ZCCHC9: variants seen among roughly 807,000 people sequenced by gnomAD.
The protein encoded by ZCCHC9 is zinc finger CCHC-type containing 9.
ZCCHC9 carries 18 observed loss-of-function variants against 30.8 expected under a neutral mutation model. That is an observed-to-expected ratio of 0.58 (90% CI 0.40 to 0.87). The LOEUF (loss-of-function observed/expected upper bound fraction) is 0.87, where lower values mean the gene tolerates loss of function less well. ZCCHC9 is among the 40% of genes least tolerant of loss of function. The probability of loss-of-function intolerance (pLI) is 0.00; values close to 1 mark genes in which losing one functional copy is unlikely to be tolerated. For missense variants in ZCCHC9, 279 were observed against 331.2 expected (o/e 0.84, Z 1.22); for synonymous variants, 94 against 106.7 (o/e 0.88, Z 0.73).
At chr5:81,307,946 G>A (rs1346801079) in intron 2 of ZCCHC9, among the ~76,000 whole-genome samples, 1 of 124,996 alleles carries the variant, frequency 8.0e-6, no homozygotes, top group South Asian at 2.8e-4. Context: ...AGTGAGCTGA[G>A]ATTGGGCCAC....
rs141994493 is a variant in ZCCHC9 at position 81,312,725 on chromosome 5, C to T, written c.*63C>T. ...TACTTTCTAAACCAGGCCCGCTTCA[C>T]GAGTTAGAGTTGAGCTCCCCTGTAG... On this transcript the variant is annotated 3_prime_UTR_variant, in exon 6 of 6. Transcript: ENST00000407610. 5.5e-6 allele frequency: 7 copies of T among 1,273,596 alleles called. No homozygotes were observed. Among genetic ancestry groups the T allele is most frequent in the South Asian group, 2.5e-5 (2 of 78,876 alleles). 78.9% of individuals were successfully genotyped at this position (1,273,596 alleles called of 1,614,324 possible).
Position 81,304,994 on chromosome 5 carries a change from AAGAC to A in ZCCHC9, c.241_244del (p.Gln81IlefsTer11). On this transcript the variant is annotated frameshift_variant, in exon 2 of 6. Transcript: ENST00000407610. LOFTEE classifies it high-confidence loss of function. ...ATGTGAATGGATTCATGGAATACCT[AAGAC>A]AGAATTCACAGATGGTTCACAATGG... 6.2e-7 allele frequency: 1 copy of A among 1,614,224 alleles called. No homozygotes were observed. Among genetic ancestry groups the A allele is most frequent in the Non-Finnish European group, 8.5e-7 (1 of 1,180,038 alleles).
chr5:81,310,127 CT>C (rs973172368), intron 4 of ZCCHC9, among the ~76,000 whole-genome samples: 3 of 133,890 alleles, frequency 2.2e-5, no homozygotes, highest in Non-Finnish European at 4.6e-5. Context: ...GCAAAAATGG[CT>C]TTCACTGGTC....
intron 5 of ZCCHC9, 123 bp from the exon 6 acceptor site, chr5:81,312,421 G>A: frequency 1.4e-6 from 1 of 703,604 alleles, no homozygotes; most frequent in South Asian, 1.9e-5. Flanking sequence ...CTTTAGTGAT[G>A]GAGTCTTCCC....
chr5:81,303,774 C>G (rs970019373), intron 1 of ZCCHC9: 2 of 152,212 alleles, frequency 1.3e-5, no homozygotes, highest in African/African-American at 4.8e-5. Flanking sequence ...AATTTTTCAG[C>G]TCCATTATAA....
chr5:81,305,247 A>G (rs1225221127), intron 2 of ZCCHC9, 106 bp downstream of exon 2: 1 of 1,416,932 alleles, frequency 7.1e-7, no homozygotes, highest in Non-Finnish European at 9.4e-7. Context: ...ATTATGTCCC[A>G]GATTTATAGA....
At chr5:81,309,647 G>A (rs1206876549) in intron 4 of ZCCHC9, among the ~76,000 whole-genome samples, 1 of 152,186 alleles carries the variant, frequency 6.6e-6, no homozygotes, top group Non-Finnish European at 1.5e-5. Context: ...TTCCCTCCTG[G>A]AGAAGTCCAG....
chr5:81,311,910 G>A (rs1157546741), intron 5 of ZCCHC9, among the ~76,000 whole-genome samples: 1 of 152,000 alleles, frequency 6.6e-6, no homozygotes, highest in East Asian at 1.9e-4. Context: ...AAGACAGTAG[G>A]ATAGCCCAGC....
rs769027023 is a variant in ZCCHC9 at position 81,308,556 on chromosome 5, C to T, written c.385-5C>T. On this transcript the variant is annotated splice_region_variant and splice_polypyrimidine_tract_variant and intron_variant, in intron 2 of 5. Coordinates refer to ENST00000407610, the MANE Select transcript of ZCCHC9 (RefSeq NM_001131035.2). ...AGCGTGCCAACCTACGTTTTGTTTTCCTAGGTGTGTTTCCATTGTAGAAAA... is the reference window on the plus strand; with the variant it reads ...AGCGTGCCAACCTACGTTTTGTTTTTCTAGGTGTGTTTCCATTGTAGAAAA... 1 of 1,608,212 alleles carries T rather than the reference C, an allele frequency of 6.2e-7. No homozygotes were observed. The highest frequency in any genetic ancestry group is 1.3e-5 in the African/African-American group (1 of 74,812).
At chr5:81,309,186 G>C (rs1182323698) in intron 4 of ZCCHC9, 148 bp downstream of exon 4, 1 of 548,022 alleles carries the variant, frequency 1.8e-6, no homozygotes, top group African/African-American at 1.9e-5. Context: ...GCTATCATAT[G>C]TACTAGGCTT....
At chr5:81,310,770 A>G (rs922939052) in intron 4 of ZCCHC9, among the ~76,000 whole-genome samples, 2 of 152,214 alleles carry the variant, frequency 1.3e-5, no homozygotes, top group Admixed American at 1.3e-4. Context: ...TGATCTGTAC[A>G]GTAGAACAGT....
At position 81,304,774 on chromosome 5, in the gene ZCCHC9, G is replaced by A. The variant is rs767993551; in HGVS notation, c.17G>A (p.Arg6Gln). The change falls in exon 2 of 6, where the codon CGA becomes CAA. Residue 6 changes from arginine (R) to glutamine (Q), a missense_variant. Physicochemically the swap from Arg to Gln is conservative, Grantham distance 43. Coordinates refer to ENST00000407610, the MANE Select transcript of ZCCHC9 (RefSeq NM_001131035.2). ...GATGAAATTATGACCAGGTGGGCCC[G>A]AGTTAGTACCACATATAACAAGAGA... The part of the protein sequence containing the change: MTRWA[R>Q]VSTTYNKRPL... The A allele has an allele frequency of 3.1e-5, 50 of 1,590,256 alleles. No individual in the cohort carries two copies. Among genetic ancestry groups the A allele is most frequent in the East Asian group, 9.0e-5 (4 of 44,650 alleles).
At chr5:81,307,854 A>G (rs965122486) in intron 2 of ZCCHC9, among the ~76,000 whole-genome samples, 9 of 148,260 alleles carry the variant, frequency 6.1e-5, no homozygotes, top group African/African-American at 2.0e-4. Flanking sequence ...AAAATTAGCC[A>G]GGTGGTGGTA....
chr5:81,311,077 C>T, intron 4 of ZCCHC9, 134 bp from the exon 5 acceptor site: 1 of 828,412 alleles, frequency 1.2e-6, no homozygotes, highest in South Asian at 1.5e-5. Flanking sequence ...AGTGGCACCT[C>T]CCTATGATCC....
Position 81,312,667 on chromosome 5 carries a change from A to T in ZCCHC9, c.*5A>T. ...CCTAAAGTTGTTAATTTTTGATAAC[A>T]GCTAGCACTATCATGAGTTACTACC... On this transcript the variant is annotated 3_prime_UTR_variant, in exon 6 of 6. Transcript: ENST00000407610. 6.3e-7 allele frequency: 1 copy of T among 1,594,604 alleles called. No individual in the cohort carries two copies.
chr5:81,311,167 T>C, intron 4 of ZCCHC9, 44 bp from the exon 5 acceptor site: 1 of 1,608,578 alleles, frequency 6.2e-7, no homozygotes, highest in Non-Finnish European at 8.5e-7. Flanking sequence ...TAAAAACCCC[T>C]TGCAAGTATG....
At chr5:81,310,506 G>A (rs1314199294) in intron 4 of ZCCHC9, among the ~76,000 whole-genome samples, 1 of 152,034 alleles carries the variant, frequency 6.6e-6, no homozygotes, top group African/African-American at 2.4e-5. Context: ...AGCCAGATTT[G>A]TATCTGATTA....
At chr5:81,308,363 C>A in intron 2 of ZCCHC9, 198 bp from the exon 3 acceptor site, 1 of 569,530 alleles carries the variant, frequency 1.8e-6, no homozygotes, top group South Asian at 3.5e-5. Context: ...TTGAGGTTTT[C>A]AAAAGCAATG....
rs554384738 is a variant in ZCCHC9 at position 81,301,589 on chromosome 5, T to C, written c.-127T>C. ...CCGGAAGTGACGCGCTCTCGGGCAC[T>C]ATGTGCTTCCGGTCTCCAATACCGC... On this transcript the variant is annotated 5_prime_UTR_variant, in exon 1 of 6. Transcript: ENST00000407610. 3 of 152,286 alleles carry C rather than the reference T, an allele frequency of 2.0e-5. No individual in the cohort carries two copies. Among genetic ancestry groups the C allele is most frequent in the South Asian group, 2.1e-4 (1 of 4,832 alleles). 9.4% of individuals were successfully genotyped at this position (152,286 alleles called of 1,614,324 possible). A position where few individuals can be genotyped will look rare whatever the true frequency, so the allele number is the denominator to read the frequency against.
Sources: allele counts gnomAD v4.1 joint callset (sites outside exome capture counted in the v4.1 genomes callset), GRCh38; gene constraint gnomAD v4.1.1; transcripts MANE v1.5; gene names NCBI Gene and HGNC (gene_info 2026-07-23, HGNC 2026-07-21).